SAMD5: variants seen among roughly 807,000 people sequenced by gnomAD.
SAMD5 encodes sterile alpha motif domain-containing protein 5.
A neutral mutation model predicts 11.3 loss-of-function variants in SAMD5; 13 were observed. That is an observed-to-expected ratio of 1.15 (90% CI 0.75 to 1.83). The LOEUF (loss-of-function observed/expected upper bound fraction) is 1.83. Among genes scored for constraint, SAMD5 ranks in the 40% most tolerant of loss-of-function variants. The pLI is 0.00. For missense variants in SAMD5, 255 were observed against 239.1 expected (o/e 1.07, Z -0.44); for synonymous variants, 129 against 111.3 (o/e 1.16, Z -1.00).
At chr6:147,644,432 C>A (rs1790366270) in intron 1 of SAMD5, among the ~76,000 whole-genome samples, 2 of 152,056 alleles carry the variant, frequency 1.3e-5, no homozygotes, top group South Asian at 2.1e-4. Context: ...ATTTATTATT[C>A]TTATACTGTT....
chr6:147,858,593 A>G, the SAMD5 span, among the ~76,000 whole-genome samples: 4 of 152,206 alleles, frequency 2.6e-5, no homozygotes, highest in Non-Finnish European at 5.9e-5. Flanking sequence ...TAAAGTGCTT[A>G]TAATGTACAG....
the SAMD5 span, among the ~76,000 whole-genome samples, chr6:147,933,469 A>G: frequency 6.6e-6 from 1 of 151,524 alleles, no homozygotes; most frequent in Non-Finnish European, 1.5e-5. Context: ...TAGAGCTTGT[A>G]TTAGGGTGGA....
At chr6:147,803,960 A>G in the SAMD5 span, among the ~76,000 whole-genome samples, 1 of 151,162 alleles carries the variant, frequency 6.6e-6, no homozygotes, top group Non-Finnish European at 1.5e-5. Context: ...CGCCTTGCAG[A>G]CTCTCCATTG....
chr6:147,521,621 C>T (rs1788256648), intron 1 of SAMD5, among the ~76,000 whole-genome samples: 1 of 151,998 alleles, frequency 6.6e-6, no homozygotes, highest in African/African-American at 2.4e-5. Context: ...TGTAATATTA[C>T]TTATTAAGGC....
downstream of SAMD5, among the ~76,000 whole-genome samples, chr6:147,739,913 G>A (rs1422813189): frequency 3.9e-5 from 6 of 152,006 alleles, no homozygotes; most frequent in African/African-American, 9.7e-5. Context: ...TCTGCCTCCC[G>A]GGTTCAAGCA....
chr6:147,732,666 T>C (rs1791735771), intron 1 of SAMD5, among the ~76,000 whole-genome samples: 1 of 152,216 alleles, frequency 6.6e-6, no homozygotes, highest in Non-Finnish European at 1.5e-5. Context: ...GGGTCTTGTT[T>C]TCCCTGGTGT....
At chr6:147,902,068 T>G in the SAMD5 span, among the ~76,000 whole-genome samples, 1 of 152,138 alleles carries the variant, frequency 6.6e-6, no homozygotes, top group African/African-American at 2.4e-5. Context: ...GCCTGAATAT[T>G]TTCTGATATT....
At chr6:147,761,446 G>A in the SAMD5 span, among the ~76,000 whole-genome samples, 1 of 151,998 alleles carries the variant, frequency 6.6e-6, no homozygotes. Context: ...CAAGATATGG[G>A]CTTTGATAGG....
chr6:147,890,814 T>C, the SAMD5 span, among the ~76,000 whole-genome samples: 1 of 152,172 alleles, frequency 6.6e-6, no homozygotes, highest in Non-Finnish European at 1.5e-5. Flanking sequence ...ACATCCTCTT[T>C]CAGTTCTGGC....
Position 147,640,497 on chromosome 6 carries a change from C to CAAA in SAMD5, c.163-96797_163-96795dup, listed in dbSNP as rs1172694444. Among the ~76,000 whole-genome samples the CAAA allele has an allele frequency of 5.0e-3, 121 of 24,184 alleles. 22 individuals are homozygous for CAAA. Among genetic ancestry groups the CAAA allele is most frequent in the East Asian group, 0.034 (18 of 530 alleles). 15.9% of individuals were successfully genotyped at this position (24,184 alleles called of 152,430 possible). Reference sequence around the variant, plus strand: ...GGGTGACAAGAGCAAGACTCTGTCGCAAAAAAAAAAAAAAAAAAAAAAAAA... The same window carrying CAAA: ...GGGTGACAAGAGCAAGACTCTGTCGCAAAAAAAAAAAAAAAAAAAAAAAAAAAA... On this transcript the variant is annotated intron_variant, in intron 1 of 1. Coordinates refer to the SAMD5 transcript ENST00000566741.
intron 1 of SAMD5, among the ~76,000 whole-genome samples, chr6:147,676,822 G>T (rs1790869327): frequency 7.1e-6 from 1 of 141,714 alleles, no homozygotes; most frequent in Admixed American, 6.9e-5. Context: ...AGGAAAGAGT[G>T]GCCTGGGGGT....
chr6:147,933,281 G>A, the SAMD5 span, among the ~76,000 whole-genome samples: 1 of 152,198 alleles, frequency 6.6e-6, no homozygotes, highest in Admixed American at 6.5e-5. Flanking sequence ...CATGCCTCAT[G>A]ACATCTGCAT....
intron 1 of SAMD5, among the ~76,000 whole-genome samples, chr6:147,542,519 T>C (rs1289235899): frequency 3.9e-5 from 6 of 152,030 alleles, no homozygotes; most frequent in Non-Finnish European, 7.4e-5. Flanking sequence ...GATAACTTGG[T>C]GGGTGGGGGG....
At chr6:147,755,352 T>G in the SAMD5 span, among the ~76,000 whole-genome samples, 1 of 152,236 alleles carries the variant, frequency 6.6e-6, no homozygotes, top group East Asian at 1.9e-4. Flanking sequence ...AATTTCTTTT[T>G]TAGTACAGTA....
chr6:147,925,682 CTTTTTTT>C, the SAMD5 span, among the ~76,000 whole-genome samples: 1 of 115,282 alleles, frequency 8.7e-6, no homozygotes, highest in Non-Finnish European at 1.8e-5. Flanking sequence ...ACTGAGAATT[CTTTTTTT>C]TTTTTTTTTT....
At chr6:147,749,315 G>T in the SAMD5 span, among the ~76,000 whole-genome samples, 1 of 151,808 alleles carries the variant, frequency 6.6e-6, no homozygotes, top group Admixed American at 6.6e-5. Context: ...GATTACAGGT[G>T]CCCACCACTA....
At chr6:147,790,770 T>TTCTCTCTCTCTCTCTCTCTC in the SAMD5 span, among the ~76,000 whole-genome samples, 17 of 88,258 alleles carry the variant, frequency 1.9e-4, no homozygotes, top group Non-Finnish European at 3.1e-4. Context: ...CTCTCTCTCT[T>TTCTCTCTCTCTCTCTCTCTC]TCTCTCTCTC....
intron 1 of SAMD5, among the ~76,000 whole-genome samples, chr6:147,705,020 A>G (rs1399847418): frequency 6.6e-6 from 1 of 152,216 alleles, no homozygotes; most frequent in African/African-American, 2.4e-5. Context: ...GTGATTTAGG[A>G]GAAGAAGATT....
intron 1 of SAMD5, among the ~76,000 whole-genome samples, chr6:147,532,277 C>T (rs1788441626): frequency 6.6e-6 from 1 of 152,082 alleles, no homozygotes; most frequent in Non-Finnish European, 1.5e-5. Context: ...TTTTATCCCT[C>T]ACTCACTCCC....
Sources: gnomAD v4.1 joint callset for allele counts (sites outside exome capture counted in the v4.1 genomes callset) on GRCh38, gnomAD v4.1.1 for gene constraint, MANE v1.5 for transcripts, NCBI Gene and HGNC (gene_info 2026-07-23, HGNC 2026-07-21) for gene names.